SH3GL2: variants seen among roughly 807,000 people sequenced by gnomAD.
SH3GL2 encodes the protein SH3 domain containing GRB2 like 2, endophilin A1, also known as endophilin-A1.
A neutral mutation model predicts 46.0 loss-of-function variants in SH3GL2; 24 were observed. The ratio of observed to expected loss-of-function variants is 0.52; its 90% CI spans 0.38 to 0.73. The LOEUF (loss-of-function observed/expected upper bound fraction) is 0.73, where lower values mean the gene tolerates loss of function less well. Among genes scored for constraint, SH3GL2 ranks in the 30% least tolerant of loss-of-function variants. The pLI is 0.00. For missense variants in SH3GL2, 413 were observed against 424.2 expected, an observed-to-expected ratio of 0.97 and a Z score of 0.23; for synonymous variants, 196 against 147.1, an observed-to-expected ratio of 1.33 and a Z score of -2.40.
rs551317123 is a variant in SH3GL2 at position 17,620,285 on chromosome 9, G to C, written c.45+40998G>C. ...TTCAGTAAACATTTATGGAGGATCTGCTACGCACCATACACTGCATTTTGC... is the reference window on the plus strand; with the variant it reads ...TTCAGTAAACATTTATGGAGGATCTCCTACGCACCATACACTGCATTTTGC... On this transcript the variant is annotated intron_variant, in intron 1 of 8. Transcript: ENST00000380607. 6.4e-4 allele frequency among the ~76,000 whole-genome samples: 98 copies of C among 152,286 alleles called. 2 individuals are homozygous for C. In the South Asian group the frequency reaches 0.018, roughly 29 times the overall value.
chr9:17,748,777 G>C (rs1822764081), intron 2 of SH3GL2, among the ~76,000 whole-genome samples: 1 of 152,136 alleles, frequency 6.6e-6, no homozygotes, highest in Non-Finnish European at 1.5e-5. Flanking sequence ...GAAAACTAAT[G>C]GAGCTACAGA....
At chr9:17,755,863 C>A in intron 2 of SH3GL2, 1 of 705,226 alleles carries the variant, frequency 1.4e-6, no homozygotes, top group South Asian at 6.4e-5. Flanking sequence ...GGAAGAGTAA[C>A]CCCATTCTAG....
intron 1 of SH3GL2, among the ~76,000 whole-genome samples, chr9:17,622,147 A>G (rs1819155468): frequency 6.6e-6 from 1 of 152,194 alleles, no homozygotes; most frequent in Non-Finnish European, 1.5e-5. Flanking sequence ...CTTTTAATGA[A>G]TATGCATTAG....
At chr9:17,668,150 G>A (rs994009862) in intron 1 of SH3GL2, among the ~76,000 whole-genome samples, 1 of 152,034 alleles carries the variant, frequency 6.6e-6, no homozygotes, top group East Asian at 1.9e-4. Flanking sequence ...AGCTTACCAG[G>A]GTTTTTGTTT....
intron 1 of SH3GL2, among the ~76,000 whole-genome samples, chr9:17,661,391 CA>C (rs1820210151): frequency 6.6e-6 from 1 of 151,780 alleles, no homozygotes; most frequent in Non-Finnish European, 1.5e-5. Flanking sequence ...GCAGTGGACA[CA>C]AAATTGAACA....
chr9:17,732,217 G>A (rs1297768853), intron 1 of SH3GL2, among the ~76,000 whole-genome samples: 1 of 146,354 alleles, frequency 6.8e-6, no homozygotes, highest in Non-Finnish European at 1.5e-5. Context: ...GATGGTGACC[G>A]GAGTTGTTGC....
chr9:17,746,364 C>T (rs1220152703), intron 1 of SH3GL2, among the ~76,000 whole-genome samples: 1 of 152,216 alleles, frequency 6.6e-6, no homozygotes, highest in East Asian at 1.9e-4. Flanking sequence ...GTGTGAGTCA[C>T]TGCGCCCGGC....
chr9:17,722,561 A>C (rs1174885791), intron 1 of SH3GL2, among the ~76,000 whole-genome samples: 1 of 151,774 alleles, frequency 6.6e-6, no homozygotes, highest in African/African-American at 2.4e-5. Flanking sequence ...GTTTTAGGGT[A>C]CATGTGCACA....
At chr9:17,749,578 G>T (rs1231925705) in intron 2 of SH3GL2, among the ~76,000 whole-genome samples, 4 of 152,146 alleles carry the variant, frequency 2.6e-5, no homozygotes, top group Non-Finnish European at 5.9e-5. Context: ...CTTCCTTTTA[G>T]CATCTGCCAG....
intron 1 of SH3GL2, among the ~76,000 whole-genome samples, chr9:17,586,972 C>G (rs537248733): frequency 6.6e-6 from 1 of 152,116 alleles, no homozygotes; most frequent in Non-Finnish European, 1.5e-5. Flanking sequence ...TTTGGGAGGT[C>G]GAGGCAGGCA....
chr9:17,695,346 C>G (rs1435514906), intron 1 of SH3GL2, among the ~76,000 whole-genome samples: 3 of 152,156 alleles, frequency 2.0e-5, no homozygotes, highest in African/African-American at 4.8e-5. Context: ...CTGCTTCATA[C>G]ACAGTGGAGT....
At chr9:17,781,952 T>C (rs1030847375) in intron 3 of SH3GL2, among the ~76,000 whole-genome samples, 1 of 152,160 alleles carries the variant, frequency 6.6e-6, no homozygotes, top group East Asian at 1.9e-4. Flanking sequence ...GAGTGAGCAC[T>C]CTGACTCTCC....
At chr9:17,627,004 C>G (rs1476296050) in intron 1 of SH3GL2, among the ~76,000 whole-genome samples, 1 of 152,126 alleles carries the variant, frequency 6.6e-6, no homozygotes, top group Admixed American at 6.5e-5. Context: ...CTGTCAGGCC[C>G]TGGTCGTGTG....
chr9:17,663,935 T>A (rs1820283923), intron 1 of SH3GL2, among the ~76,000 whole-genome samples: 2 of 152,178 alleles, frequency 1.3e-5, no homozygotes, highest in African/African-American at 2.4e-5. Flanking sequence ...GAGAGACACT[T>A]CTCTAGTCTC....
chr9:17,778,832 A>G (rs1239654311), intron 3 of SH3GL2, among the ~76,000 whole-genome samples: 2 of 152,146 alleles, frequency 1.3e-5, no homozygotes, highest in Admixed American at 1.3e-4. Flanking sequence ...AAAGATAACT[A>G]TGAAGTCTAG....
At chr9:17,605,396 G>A (rs912461389) in intron 1 of SH3GL2, among the ~76,000 whole-genome samples, 3 of 152,086 alleles carry the variant, frequency 2.0e-5, no homozygotes, top group African/African-American at 7.2e-5. Flanking sequence ...GACTTCATCC[G>A]AAATTGAGAT....
chr9:17,648,198 A>G (rs138776188), intron 1 of SH3GL2, among the ~76,000 whole-genome samples: 10 of 152,262 alleles, frequency 6.6e-5, no homozygotes, highest in African/African-American at 1.2e-4. Context: ...TGGATTTTCA[A>G]CTACACAAGG....
chr9:17,768,380 A>AC (rs1823378575), intron 3 of SH3GL2, among the ~76,000 whole-genome samples: 1 of 151,726 alleles, frequency 6.6e-6, no homozygotes, highest in Admixed American at 6.6e-5. Context: ...CAAAAAAAAA[A>AC]AAAAAAAAAA....
intron 1 of SH3GL2, among the ~76,000 whole-genome samples, chr9:17,643,822 G>A (rs1819741929): frequency 6.6e-6 from 1 of 152,128 alleles, no homozygotes; most frequent in South Asian, 2.1e-4. Context: ...GCCAGGTTTT[G>A]GTATCAGGAT....
Sources: gnomAD v4.1 joint callset for allele counts (sites outside exome capture counted in the v4.1 genomes callset) on GRCh38, gnomAD v4.1.1 for gene constraint, MANE v1.5 for transcripts, NCBI Gene and HGNC (gene_info 2026-07-23, HGNC 2026-07-21) for gene names.